The following CAMK2B variants were observed in gnomAD, a reference collection of about 807,000 sequenced individuals.
CAMK2B encodes the protein calcium/calmodulin dependent protein kinase II beta.
In CAMK2B, 27 loss-of-function variants were observed where a neutral mutation model predicts 93.7. The observed-to-expected ratio is 0.29, with a 90% CI of 0.21 to 0.40. The LOEUF is 0.40. CAMK2B is among the 10% of genes least tolerant of loss of function. CAMK2B has a pLI of 1.00. For missense variants in CAMK2B, 568 were observed against 895.8 expected, an observed-to-expected ratio of 0.63 and a Z score of 4.67; for synonymous variants, 374 against 358.8, an observed-to-expected ratio of 1.04 and a Z score of -0.48.
chr7:44,242,228 G>A lies in CAMK2B; in HGVS notation c.809C>T (p.Pro270Leu), dbSNP rs759654384. Reference sequence around the variant, plus strand: ...CCAAGGGCGACTCACGCAGACCCACGGGTGCTTCAGGGCCTCATGGGCTGT... The same window carrying A: ...CCAAGGGCGACTCACGCAGACCCACAGGTGCTTCAGGGCCTCATGGGCTGT... ...RITAHEALKH[P>L]WVCQRSTVAS... Residue 270 changes from proline to leucine, a missense_variant, in exon 10 of 24, where the codon CCG becomes CTG. Physicochemically the swap from Pro to Leu is moderately conservative, Grantham distance 98. Coordinates refer to ENST00000395749, the MANE Select transcript of CAMK2B (RefSeq NM_001220.5). The A allele has an allele frequency of 3.7e-6, 6 of 1,613,564 alleles. No homozygotes were observed. In the African/African-American group the frequency reaches 4.0e-5, roughly 11 times the overall value.
chr7:44,244,320 T>C (rs2096710380), intron 6 of CAMK2B, among the ~76,000 whole-genome samples: 1 of 152,166 alleles, frequency 6.6e-6, no homozygotes, highest in South Asian at 2.1e-4. Context: ...CTGGGGGCAC[T>C]TGGCACTGAG....
intron 2 of CAMK2B, among the ~76,000 whole-genome samples, chr7:44,280,974 C>T (rs1039799953): frequency 2.0e-5 from 3 of 152,174 alleles, no homozygotes; most frequent in Non-Finnish European, 4.4e-5. Context: ...GTTTGAGGTT[C>T]CTGCTCTTCC....
chr7:44,320,990 A>AG (rs1224248810), intron 1 of CAMK2B, among the ~76,000 whole-genome samples: 1 of 152,162 alleles, frequency 6.6e-6, no homozygotes, highest in Non-Finnish European at 1.5e-5. Context: ...GAGCCAGGGC[A>AG]GGGGGCATCT....
At position 44,271,011 on chromosome 7, in the gene CAMK2B, C is replaced by T. The variant is rs533831632; in HGVS notation, c.161-7947G>A. ...TTGGTTCACTGCAAACTCCACCTCC[C>T]GGGTTCAAGTGATTCTCCCATGTCA... On this transcript the variant is annotated intron_variant, in intron 2 of 23. Coordinates refer to ENST00000395749, the MANE Select transcript of CAMK2B (RefSeq NM_001220.5). The surrounding 1 kb of genome is among the most constrained non-coding windows in gnomAD (Gnocchi z 4.2). Among the ~76,000 whole-genome samples the T allele has an allele frequency of 1.3e-5, 2 of 152,284 alleles. No homozygotes were observed. Among genetic ancestry groups the T allele is most frequent in the South Asian group, 2.1e-4 (1 of 4,816 alleles).
chr7:44,230,758 G>T, intron 17 of CAMK2B, among the ~76,000 whole-genome samples: 1 of 152,118 alleles, frequency 6.6e-6, no homozygotes. Flanking sequence ...CAAAGCCGTG[G>T]CTTCCTCACT....
intron 12 of CAMK2B, among the ~76,000 whole-genome samples, chr7:44,240,268 C>A (rs1417444052): frequency 6.6e-6 from 1 of 152,206 alleles, no homozygotes; most frequent in Non-Finnish European, 1.5e-5. Flanking sequence ...CAGGAGGCTG[C>A]AGCTCATCCA....
chr7:44,241,896 C>A, intron 10 of CAMK2B, 113 bp from the exon 11 acceptor site: 1 of 820,388 alleles, frequency 1.2e-6, no homozygotes, highest in South Asian at 1.6e-5. Flanking sequence ...CCACCGGCCA[C>A]CATTGCGGCA....
chr7:44,315,127 G>A (rs1336527248), intron 1 of CAMK2B, among the ~76,000 whole-genome samples: 1 of 152,196 alleles, frequency 6.6e-6, no homozygotes, highest in East Asian at 1.9e-4. Flanking sequence ...TTATGCTTGT[G>A]GTGTCATATC....
At chr7:44,303,048 T>C (rs776616833) in intron 1 of CAMK2B, among the ~76,000 whole-genome samples, 7 of 152,174 alleles carry the variant, frequency 4.6e-5, no homozygotes, top group African/African-American at 7.2e-5. Flanking sequence ...TAAATGATTA[T>C]AGCAAGGTTG....
At chr7:44,291,408 G>C (rs1786801739) in intron 1 of CAMK2B, among the ~76,000 whole-genome samples, 1 of 152,156 alleles carries the variant, frequency 6.6e-6, no homozygotes, top group African/African-American at 2.4e-5. Context: ...CGAGCTCCCA[G>C]GGCTGTGTCG....
In CAMK2B at chr7:44,245,134, A is replaced by C. The variant is rs1200510610; in HGVS notation, c.415-1607T>G. The C allele has an allele frequency of 4.3e-5, 16 of 368,678 alleles. No individual in the cohort carries two copies. The East Asian group carries it at 1.3e-3, about 30-fold the overall frequency. 22.8% of individuals were successfully genotyped at this position (368,678 alleles called of 1,614,324 possible). On this transcript the variant is annotated intron_variant, in intron 6 of 23. Transcript: ENST00000395749. The stretch of plus-strand genomic sequence containing the variant: ...AAACAGACCAGCAGTTCTTCCGAAG[A>C]GAAGGAGCGTTAAGTGAACATGGAC...
intron 1 of CAMK2B, among the ~76,000 whole-genome samples, chr7:44,319,980 A>C (rs999945142): frequency 2.0e-5 from 3 of 152,190 alleles, no homozygotes; most frequent in African/African-American, 7.2e-5. Context: ...CCTCATACTG[A>C]CATTAAAATT....
At chr7:44,241,275 C>T (rs2096675735) in intron 11 of CAMK2B, among the ~76,000 whole-genome samples, 1 of 152,222 alleles carries the variant, frequency 6.6e-6, no homozygotes, top group Non-Finnish European at 1.5e-5. Flanking sequence ...GACCCACCTC[C>T]CTCCCAGAAC....
At chr7:44,303,169 T>C (rs970453802) in intron 1 of CAMK2B, among the ~76,000 whole-genome samples, 3 of 152,132 alleles carry the variant, frequency 2.0e-5, no homozygotes, top group African/African-American at 7.2e-5. Flanking sequence ...TCCCCCAAAG[T>C]GAAATACTTA....
At chr7:44,296,819 A>G (rs1584737439) in intron 1 of CAMK2B, among the ~76,000 whole-genome samples, 2 of 152,354 alleles carry the variant, frequency 1.3e-5, no homozygotes, top group African/African-American at 4.8e-5. Context: ...CTGTATCCAG[A>G]GAAATTATCC....
chr7:44,243,226 G>C, intron 8 of CAMK2B, 24 bp downstream of exon 8: 2 of 1,587,162 alleles, frequency 1.3e-6, no homozygotes, highest in Non-Finnish European at 1.7e-6. Flanking sequence ...GCCCTGCCCC[G>C]CACCAACTCA....
chr7:44,239,280 C>T (rs975017394), intron 13 of CAMK2B, among the ~76,000 whole-genome samples: 19 of 146,698 alleles, frequency 1.3e-4, no homozygotes, highest in Non-Finnish European at 2.9e-4. Flanking sequence ...TCCCTGTGGG[C>T]CCAGGCCATT....
intron 2 of CAMK2B, among the ~76,000 whole-genome samples, chr7:44,265,645 C>T (rs1234572943): frequency 6.6e-6 from 1 of 152,190 alleles, no homozygotes; most frequent in Non-Finnish European, 1.5e-5. Flanking sequence ...TGAAACATCG[C>T]CAAGAGCTGA....
intron 2 of CAMK2B, among the ~76,000 whole-genome samples, chr7:44,275,436 A>G: frequency 6.6e-6 from 1 of 152,232 alleles, no homozygotes; most frequent in East Asian, 1.9e-4. Flanking sequence ...GGTCCTCTTC[A>G]GGGCCGCTTT....
Sources: allele counts gnomAD v4.1 joint callset (sites outside exome capture counted in the v4.1 genomes callset), GRCh38; gene constraint gnomAD v4.1.1; non-coding constraint Gnocchi (gnomAD v3.1); transcripts MANE v1.5; gene names NCBI Gene and HGNC (gene_info 2026-07-23, HGNC 2026-07-21).